CHRM2: variants seen among roughly 807,000 people sequenced by gnomAD.
CHRM2 encodes the protein cholinergic receptor muscarinic 2, also known as muscarinic acetylcholine receptor M2.
CHRM2 carries 8 observed loss-of-function variants against 25.0 expected under a neutral mutation model. The observed-to-expected ratio is 0.32, with a 90% confidence interval of 0.19 to 0.58. CHRM2 has a LOEUF of 0.58. Ranked by LOEUF, CHRM2 falls within the 20% of genes least tolerant of loss-of-function variation. CHRM2 has a pLI of 0.88. For synonymous variants in CHRM2, 202 were observed against 205.7 expected, an observed-to-expected ratio of 0.98 and a Z score of 0.15; for missense variants, 440 against 567.1, an observed-to-expected ratio of 0.78 and a Z score of 2.28.
intron 2 of CHRM2, among the ~76,000 whole-genome samples, chr7:136,967,689 C>A (rs1217860303): frequency 2.0e-5 from 3 of 151,560 alleles, no homozygotes; most frequent in Non-Finnish European, 4.4e-5. Flanking sequence ...TATATTATTT[C>A]TGTTCTCTCT....
chr7:136,970,861 C>T (rs981329116), intron 2 of CHRM2, among the ~76,000 whole-genome samples: 1 of 152,158 alleles, frequency 6.6e-6, no homozygotes, highest in Admixed American at 6.5e-5. Context: ...TTGCTTGGGT[C>T]CCAAATCTAA....
intron 2 of CHRM2, among the ~76,000 whole-genome samples, chr7:136,942,046 C>T (rs1357740920): frequency 4.6e-5 from 7 of 152,108 alleles, no homozygotes; most frequent in Non-Finnish European, 8.8e-5. Context: ...CCTGTTCAGC[C>T]TGTAGAGTTA....
intron 2 of CHRM2, among the ~76,000 whole-genome samples, chr7:136,961,416 T>G (rs1801074932): frequency 6.6e-6 from 1 of 152,210 alleles, no homozygotes; most frequent in Non-Finnish European, 1.5e-5. Context: ...AATCATAAGT[T>G]GAGGAGCCTC....
chr7:136,929,543 C>G (rs1490432016), intron 2 of CHRM2, among the ~76,000 whole-genome samples: 1 of 152,078 alleles, frequency 6.6e-6, no homozygotes, highest in Non-Finnish European at 1.5e-5. Flanking sequence ...TTTGCTAGTC[C>G]CTTTATTTTC....
chr7:136,922,799 T>C (rs1162349285), intron 2 of CHRM2, among the ~76,000 whole-genome samples: 1 of 152,198 alleles, frequency 6.6e-6, no homozygotes, highest in East Asian at 1.9e-4. Flanking sequence ...AGGCTCTGTA[T>C]GTTGCATTGT....
At chr7:136,885,899 A>G (rs1244568006) in intron 2 of CHRM2, among the ~76,000 whole-genome samples, 1 of 152,162 alleles carries the variant, frequency 6.6e-6, no homozygotes, top group Non-Finnish European at 1.5e-5. Flanking sequence ...ACCAACACAT[A>G]GGAATGGAAC....
At chr7:136,964,943 G>A (rs991456782) in intron 2 of CHRM2, among the ~76,000 whole-genome samples, 1 of 151,928 alleles carries the variant, frequency 6.6e-6, no homozygotes, top group East Asian at 1.9e-4. Context: ...GACCTTCTAG[G>A]TATTATAAAG....
intron 2 of CHRM2, among the ~76,000 whole-genome samples, chr7:136,920,202 T>C (rs1361438552): frequency 6.6e-6 from 1 of 152,182 alleles, no homozygotes; most frequent in Non-Finnish European, 1.5e-5. Flanking sequence ...TTTTTCAGGC[T>C]CTTGTCAGCT....
intron 2 of CHRM2, among the ~76,000 whole-genome samples, chr7:136,937,482 G>T (rs918219596): frequency 1.7e-5 from 2 of 117,484 alleles, no homozygotes; most frequent in African/African-American, 3.9e-5. Flanking sequence ...ACACTTGATC[G>T]CCCTTTTTTA....
intron 2 of CHRM2, chr7:136,903,459 A>G (rs962238917): frequency 1.7e-5 from 4 of 233,624 alleles, no homozygotes; most frequent in South Asian, 1.5e-4. Flanking sequence ...TGGTGTCACA[A>G]TGTAAACTAC....
chr7:136,995,012 C>A (rs1410642192), intron 3 of CHRM2, among the ~76,000 whole-genome samples: 1 of 151,990 alleles, frequency 6.6e-6, no homozygotes, highest in Non-Finnish European at 1.5e-5. Flanking sequence ...AATACAGAAG[C>A]ATAATTTTGT....
chr7:136,962,479 T>G (rs1289682561), intron 2 of CHRM2, among the ~76,000 whole-genome samples: 1 of 151,466 alleles, frequency 6.6e-6, no homozygotes, highest in Non-Finnish European at 1.5e-5. Flanking sequence ...AGAGGGTGAG[T>G]GGTAGTGGTG....
intron 2 of CHRM2, among the ~76,000 whole-genome samples, chr7:136,904,606 G>A (rs139589395): frequency 2.6e-5 from 4 of 151,448 alleles, no homozygotes; most frequent in Non-Finnish European, 5.9e-5. Flanking sequence ...TAATTCTGTA[G>A]AGGTTTTTGT....
At chr7:136,916,593 C>A (rs1423856806) in intron 2 of CHRM2, among the ~76,000 whole-genome samples, 1 of 151,300 alleles carries the variant, frequency 6.6e-6, no homozygotes, top group African/African-American at 2.4e-5. Context: ...GTCCTCCTCA[C>A]ATGTTCCCTT....
chr7:136,977,924 G>C (rs1802212595), intron 2 of CHRM2, among the ~76,000 whole-genome samples: 1 of 152,146 alleles, frequency 6.6e-6, no homozygotes, highest in African/African-American at 2.4e-5. Flanking sequence ...TACTGTGAAA[G>C]GTAGGGGTCC....
chr7:136,908,581 C>T (rs1050735745), intron 2 of CHRM2, among the ~76,000 whole-genome samples: 3 of 151,820 alleles, frequency 2.0e-5, no homozygotes, highest in African/African-American at 7.3e-5. Flanking sequence ...TAGGTAGAAT[C>T]GAGCATTCTC....
chr7:136,914,046 C>A (rs1320998342), intron 2 of CHRM2: 2 of 151,894 alleles, frequency 1.3e-5, no homozygotes, highest in Admixed American at 6.6e-5. Flanking sequence ...ACCTTGAAAC[C>A]CAACTTTAAC....
chr7:136,980,191 T>A (rs1175022099), intron 2 of CHRM2, among the ~76,000 whole-genome samples: 6 of 152,204 alleles, frequency 3.9e-5, no homozygotes, highest in Admixed American at 2.6e-4. Flanking sequence ...CTAGGTATTT[T>A]ATTCTCTTTG....
At position 136,930,898 on chromosome 7, in the gene CHRM2, C is replaced by CAAAAAAAAAAAAAAAAAA. The variant is rs57705639; in HGVS notation, c.-124-61277_-124-61260dup. Among the ~76,000 whole-genome samples the CAAAAAAAAAAAAAAAAAA allele has an allele frequency of 1.1e-3, 65 of 61,148 alleles. 2 individuals carry two copies. The highest frequency in any genetic ancestry group is 1.8e-3 in the Non-Finnish European group (48 of 26,682). The allele number at this position is 61,148 out of a possible 152,430, so 40.1% of individuals were successfully genotyped here. ...GGCTACAGAGCCAGACTCATTCTCT[C>CAAAAAAAAAAAAAAAAAA]AAAAAAAAAAAAAAAAAAAAAAAAA... On this transcript the variant is annotated intron_variant, in intron 2 of 3. Coordinates refer to ENST00000680005, the MANE Select transcript of CHRM2 (RefSeq NM_001006630.2).
Sources: allele counts gnomAD v4.1 joint callset (sites outside exome capture counted in the v4.1 genomes callset), GRCh38; gene constraint gnomAD v4.1.1; transcripts MANE v1.5; gene names NCBI Gene and HGNC (gene_info 2026-07-23, HGNC 2026-07-21).